CUBN: variants seen among roughly 807,000 people sequenced by gnomAD.
CUBN encodes the protein cubilin, also known as 460 kDa receptor.
In CUBN, 282 loss-of-function variants were observed where a neutral mutation model predicts 405.3. The ratio of observed to expected loss-of-function variants is 0.70; its 90% CI spans 0.63 to 0.77. The LOEUF (loss-of-function observed/expected upper bound fraction) is 0.77, where lower values mean the gene tolerates loss of function less well. CUBN is among the 30% of genes least tolerant of loss of function. The pLI, the probability that CUBN is intolerant of heterozygous loss-of-function variation, is 0.00. For missense variants in CUBN, 4,514 were observed against 4,475.2 expected (o/e 1.01, Z -0.25); for synonymous variants, 1,684 against 1,617.0 (o/e 1.04, Z -0.99).
At chr10:17,124,943 T>A (rs113592220) in intron 4 of CUBN, among the ~76,000 whole-genome samples, 3 of 151,712 alleles carry the variant, frequency 2.0e-5, no homozygotes, top group African/African-American at 7.3e-5. Context: ...GCGATTCTCA[T>A]GCCTCAGCCT....
chr10:17,027,892 AAATT>A (rs1834706146), intron 27 of CUBN, among the ~76,000 whole-genome samples: 1 of 152,208 alleles, frequency 6.6e-6, no homozygotes, highest in African/African-American at 2.4e-5. Context: ...TATTTACAAA[AAATT>A]ATTTCTTTAT....
intron 40 of CUBN, among the ~76,000 whole-genome samples, chr10:16,931,005 A>C (rs1276723): frequency 0.24 from 36,379 of 151,828 alleles, 5,720 homozygotes; most frequent in Non-Finnish European, 0.36. Context: ...ACCTGTAATC[A>C]CAGCACTTTG....
intron 49 of CUBN, among the ~76,000 whole-genome samples, chr10:16,907,237 C>T (rs1054201995): frequency 1.3e-5 from 2 of 152,198 alleles, no homozygotes; most frequent in African/African-American, 4.8e-5. Context: ...AGGTCACCAA[C>T]CCTCATGGTA....
chr10:16,967,914 A>G (rs1843446157), intron 31 of CUBN, among the ~76,000 whole-genome samples: 1 of 149,968 alleles, frequency 6.7e-6, no homozygotes, highest in African/African-American at 2.5e-5. Flanking sequence ...AGAGGGGGAA[A>G]GAGGAAGAGA....
rs1437462299 is a variant in CUBN at position 16,940,049 on chromosome 10, T to C, written c.5531A>G (p.Gln1844Arg). The C allele has an allele frequency of 2.5e-6, 4 of 1,613,896 alleles. No homozygotes were observed. Among genetic ancestry groups the C allele is most frequent in the Non-Finnish European group, 3.4e-6 (4 of 1,179,768 alleles). Residue 1844 changes from glutamine (Q) to arginine (R), a missense_variant, in exon 37 of 67, where the codon CAG becomes CGG. Transcript: ENST00000377833. ...SDGSGSGTGF[Q>R]ATFMKIFGND... The stretch of plus-strand genomic sequence containing the variant: ...CAACTTACTCTTCATAAATGTGGCC[T>C]GGAAGCCCGTGCCGCTGCCAGAACC...
At position 17,044,990 on chromosome 10, in the gene CUBN, G is replaced by A. The variant is rs1382872259; in HGVS notation, c.3672+17C>T. On this transcript the variant is annotated intron_variant, in intron 25 of 66. Transcript: ENST00000377833. Reference sequence around the variant, plus strand: ...AGATGGGAGCAGGGAACAATATGATGGAAACATTATACATACAGCCAGGTA... The same window carrying A: ...AGATGGGAGCAGGGAACAATATGATAGAAACATTATACATACAGCCAGGTA... 1.9e-6 allele frequency: 3 copies of A among 1,611,658 alleles called. No individual in the cohort carries two copies. The highest frequency in any genetic ancestry group is 3.3e-5 in the Admixed American group (2 of 60,004).
intron 43 of CUBN, 122 bp from the exon 44 acceptor site, chr10:16,920,259 G>A: frequency 9.8e-7 from 1 of 1,022,316 alleles, no homozygotes; most frequent in Middle Eastern, 2.1e-4. Flanking sequence ...CATCTGTTAT[G>A]ATCCTCATTT....
rs1005044767 is a variant in CUBN, at chr10:16,890,431, T to A, written c.8695A>T (p.Thr2899Ser). 7 of 1,614,044 alleles carry A rather than the reference T, an allele frequency of 4.3e-6. No homozygotes were observed. In the East Asian group the frequency reaches 1.6e-4, roughly 36 times the overall value. The change falls in exon 55 of 67, where the codon ACT (threonine) becomes TCT (serine). Residue 2899 changes from threonine to serine, a missense_variant. Coordinates refer to ENST00000377833, the MANE Select transcript of CUBN (RefSeq NM_001081.4). The part of the protein sequence containing the change: ...GPVITPSNTF[T>S]AVFQSQEAPA... ...GCCTCCTGAGACTGGAAGACGGCAG[T>A]GAATGTGTTACTTGGTGTGATAACG...
chr10:16,917,745 A>G (rs1265055721), intron 45 of CUBN, among the ~76,000 whole-genome samples: 2 of 152,224 alleles, frequency 1.3e-5, no homozygotes, highest in African/African-American at 4.8e-5. Flanking sequence ...AAAGTTGATT[A>G]ATGACTGTAG....
At chr10:16,907,795 G>T in intron 48 of CUBN, 116 bp from the exon 49 acceptor site, 1 of 1,024,578 alleles carries the variant, frequency 9.8e-7, no homozygotes, top group Non-Finnish European at 1.5e-6. Flanking sequence ...GCCCCAAAAT[G>T]AATGACCTAA....
intron 6 of CUBN, chr10:17,121,860 C>A (rs1233876032): frequency 6.6e-6 from 1 of 152,118 alleles, no homozygotes; most frequent in African/African-American, 2.4e-5. Flanking sequence ...CAGTGAGATT[C>A]TACTCCAGAG....
chr10:17,108,598 T>A (rs1836694012), intron 10 of CUBN, among the ~76,000 whole-genome samples: 1 of 152,020 alleles, frequency 6.6e-6, no homozygotes, highest in Admixed American at 6.5e-5. Flanking sequence ...TCTAAAAATA[T>A]AAAATATCTT....
chr10:17,003,829 C>G (rs534623427), intron 28 of CUBN, among the ~76,000 whole-genome samples: 25 of 152,284 alleles, frequency 1.6e-4, no homozygotes, highest in African/African-American at 5.1e-4. Context: ...GTAACCAGGA[C>G]CCAGAATGGT....
intron 14 of CUBN, among the ~76,000 whole-genome samples, chr10:17,090,973 C>G (rs551620421): frequency 6.6e-6 from 1 of 152,050 alleles, no homozygotes; most frequent in Admixed American, 6.6e-5. Context: ...GACGATGACA[C>G]ACCCAGTACC....
chr10:16,962,103 A>T (rs903921330), intron 31 of CUBN, among the ~76,000 whole-genome samples: 1 of 152,198 alleles, frequency 6.6e-6, no homozygotes, highest in African/African-American at 2.4e-5. Flanking sequence ...GTTGGGGACA[A>T]GTTGCCCCCT....
chr10:16,899,961 C>T (rs1440446373), intron 53 of CUBN, among the ~76,000 whole-genome samples: 2 of 152,326 alleles, frequency 1.3e-5, no homozygotes, highest in South Asian at 2.1e-4. Flanking sequence ...GTATGTGATA[C>T]AAGTCCTTGT....
intron 27 of CUBN, among the ~76,000 whole-genome samples, chr10:17,032,369 G>C (rs1834804814): frequency 6.6e-6 from 1 of 152,162 alleles, no homozygotes; most frequent in Non-Finnish European, 1.5e-5. Context: ...AGCTGGTAAA[G>C]AGCTTTGGAG....
intron 56 of CUBN, among the ~76,000 whole-genome samples, chr10:16,885,934 A>G (rs1319232493): frequency 6.6e-6 from 1 of 152,264 alleles, no homozygotes; most frequent in Non-Finnish European, 1.5e-5. Context: ...GAATAAATCT[A>G]TCACACAGTG....
intron 39 of CUBN, 129 bp downstream of exon 39, chr10:16,937,463 G>T: frequency 1.4e-6 from 1 of 740,428 alleles, no homozygotes; most frequent in Non-Finnish European, 2.3e-6. Context: ...AACAACATCT[G>T]AACATATGGT....
Sources: gnomAD v4.1 joint callset for allele counts (sites outside exome capture counted in the v4.1 genomes callset) on GRCh38, gnomAD v4.1.1 for gene constraint, MANE v1.5 for transcripts, NCBI Gene and HGNC (gene_info 2026-07-23, HGNC 2026-07-21) for gene names.